Variants in PPP1CB observed in about 807,000 individuals in gnomAD.
PPP1CB encodes the protein protein phosphatase 1 catalytic subunit beta.
PPP1CB carries 2 observed loss-of-function variants against 43.7 expected under a neutral mutation model. The observed-to-expected ratio is 0.05, with a 90% CI of 0.02 to 0.14. The LOEUF is 0.14. Among genes scored for constraint, PPP1CB ranks in the 10% least tolerant of loss-of-function variants. PPP1CB has a pLI of 1.00. For synonymous variants in PPP1CB, 136 were observed against 135.6 expected (o/e 1.00, Z -0.02); for missense variants, 84 against 398.0 (o/e 0.21, Z 6.71).
intron 3 of PPP1CB, among the ~76,000 whole-genome samples, chr2:28,781,311 A>G (rs1667154036): frequency 6.6e-6 from 1 of 152,180 alleles, no homozygotes; most frequent in Non-Finnish European, 1.5e-5. Flanking sequence ...CGCTGATTTA[A>G]CATATGCATT....
chr2:28,765,579 T>C (rs943582808), intron 1 of PPP1CB, among the ~76,000 whole-genome samples: 2 of 152,252 alleles, frequency 1.3e-5, no homozygotes, highest in African/African-American at 4.8e-5. Context: ...TGTGTGGGAA[T>C]GAAGATCTCA....
At chr2:28,762,583 T>C (rs547322184) in intron 1 of PPP1CB, among the ~76,000 whole-genome samples, 1 of 152,338 alleles carries the variant, frequency 6.6e-6, no homozygotes, top group South Asian at 2.1e-4. Flanking sequence ...CTGATGTTTA[T>C]ACCAAAAATC....
chr2:28,754,687 T>G (rs1469620429), intron 1 of PPP1CB, among the ~76,000 whole-genome samples: 1 of 152,246 alleles, frequency 6.6e-6, no homozygotes, highest in Non-Finnish European at 1.5e-5. Context: ...AATTTTCTAG[T>G]AAATAATTAT....
intron 4 of PPP1CB, among the ~76,000 whole-genome samples, chr2:28,783,300 C>A (rs1453733793): frequency 1.3e-5 from 2 of 150,900 alleles, no homozygotes; most frequent in Non-Finnish European, 2.9e-5. Context: ...TCTATGAAGG[C>A]CAGGGAATGA....
At chr2:28,765,462 C>T (rs763231684) in intron 1 of PPP1CB, among the ~76,000 whole-genome samples, 6 of 152,162 alleles carry the variant, frequency 3.9e-5, no homozygotes, top group South Asian at 2.1e-4. Flanking sequence ...GGAAGCTCCT[C>T]GGCTGCACAG....
chr2:28,757,381 G>A (rs78554205), intron 1 of PPP1CB, among the ~76,000 whole-genome samples: 2,749 of 152,152 alleles, frequency 0.018, 110 homozygotes, highest in Admixed American at 0.091. Context: ...TTTCAATTCC[G>A]TTGGGTATAT....
In PPP1CB at chr2:28,778,793, C is replaced by T; in HGVS notation, c.185-16C>T. On this transcript the variant is annotated splice_polypyrimidine_tract_variant and intron_variant, in intron 2 of 7. Coordinates refer to ENST00000395366, the MANE Select transcript of PPP1CB (RefSeq NM_002709.3). ...CAGTAACCAATTTTTCTAAAACTGACTCTTTCTCTTTTTAGGAGATATTCA... is the reference window on the plus strand; with the variant it reads ...CAGTAACCAATTTTTCTAAAACTGATTCTTTCTCTTTTTAGGAGATATTCA... 2 of 1,517,626 alleles carry T rather than the reference C, an allele frequency of 1.3e-6. No homozygotes were observed. The highest frequency in any genetic ancestry group is 1.4e-5 in the African/African-American group (1 of 72,766). The allele number at this position is 1,517,626 out of a possible 1,614,324, so 94.0% of individuals were successfully genotyped here. A position where few individuals can be genotyped will look rare whatever the true frequency, so the allele number is the denominator to read the frequency against.
chr2:28,778,512 G>T, intron 2 of PPP1CB: 1 of 492,718 alleles, frequency 2.0e-6, no homozygotes, highest in East Asian at 5.4e-5. Flanking sequence ...TGAGCTGTTG[G>T]TCAGAGGCCT....
intron 5 of PPP1CB, among the ~76,000 whole-genome samples, 159 bp from the exon 6 acceptor site, chr2:28,788,499 A>C (rs1439102217): frequency 6.6e-6 from 1 of 152,236 alleles, no homozygotes; most frequent in Non-Finnish European, 1.5e-5. Flanking sequence ...TGCTTTAACA[A>C]AAGTATAAGT....
rs1667643798 is a variant in PPP1CB, at chr2:28,802,548, T to C, written c.*3245T>C. On this transcript the variant is annotated 3_prime_UTR_variant, in exon 8 of 8. Transcript: ENST00000395366. ...ATGTTTTATAATTCCTTAAAACAGC[T>C]GAAAATTGGGACAACATACTTTACG... 1 of 152,316 alleles carries C rather than the reference T, an allele frequency of 6.6e-6. No individual in the cohort carries two copies. The highest frequency in any genetic ancestry group is 1.5e-5 in the Non-Finnish European group (1 of 68,030). The allele number at this position is 152,316 out of a possible 1,614,324, so 9.4% of individuals were successfully genotyped here.
At chr2:28,762,242 G>A (rs763238732) in intron 1 of PPP1CB, among the ~76,000 whole-genome samples, 5 of 152,112 alleles carry the variant, frequency 3.3e-5, no homozygotes, top group Non-Finnish European at 5.9e-5. Flanking sequence ...CTGAGATTGC[G>A]CCACTGCACT....
Position 28,752,059 on chromosome 2 carries a change from G to T in PPP1CB, c.-66G>T. 6.7e-7 allele frequency: 1 copy of T among 1,485,534 alleles called. No homozygotes were observed. The highest frequency in any genetic ancestry group is 9.2e-7 in the Non-Finnish European group (1 of 1,087,928). 92.0% of individuals were successfully genotyped at this position (1,485,534 alleles called of 1,614,324 possible). ...GTAGGTGAGAGAACGCCGAGCCGTC[G>T]CCGCAGCCTCCGCCGCCGAGAAGCC... On this transcript the variant is annotated 5_prime_UTR_variant, in exon 1 of 8. Transcript: ENST00000395366.
At chr2:28,752,575 GTTC>G (rs1003266783) in intron 1 of PPP1CB, among the ~76,000 whole-genome samples, 35 of 152,226 alleles carry the variant, frequency 2.3e-4, no homozygotes, top group Non-Finnish European at 8.8e-5. Context: ...TGGAATCACT[GTTC>G]TTCTCTGTTC....
chr2:28,799,244 C>G lies in PPP1CB; in HGVS notation c.925C>G (p.Leu309Val). ...EKKAKYQYGGLNSGRPVTPPR... is the reference protein window; with the variant it reads ...EKKAKYQYGGVNSGRPVTPPR... ...GAAAGCTAAATACCAGTATGGTGGACTGAATTCTGGACGTCCTGTCACTCC... is the reference window on the plus strand; with the variant it reads ...GAAAGCTAAATACCAGTATGGTGGAGTGAATTCTGGACGTCCTGTCACTCC... Residue 309 changes from leucine to valine, a missense_variant, in exon 8 of 8, where the codon CTG (leucine) becomes GTG (valine). By Grantham distance (32) the Leu-to-Val change is conservative. Transcript: ENST00000395366. 6.2e-7 allele frequency: 1 copy of G among 1,610,552 alleles called. No homozygotes were observed. Among genetic ancestry groups the G allele is most frequent in the Non-Finnish European group, 8.5e-7 (1 of 1,176,906 alleles).
At position 28,768,802 on chromosome 2, in the gene PPP1CB, A is replaced by G. The variant is rs575382822; in HGVS notation, c.53-8049A>G. Among the ~76,000 whole-genome samples the G allele has an allele frequency of 3.9e-5, 6 of 152,326 alleles. 1 individual carries two copies. Among genetic ancestry groups the G allele is most frequent in the African/African-American group, 1.2e-4 (5 of 41,566 alleles). On this transcript the variant is annotated intron_variant, in intron 1 of 7. Transcript: ENST00000395366. Reference sequence around the variant, plus strand: ...CAAGCTAATGAAACTGAATTGACCAAAAACCAATAGAAATTATCTAGTGCT... The same window carrying G: ...CAAGCTAATGAAACTGAATTGACCAGAAACCAATAGAAATTATCTAGTGCT...
chr2:28,768,904 T>C (rs1348075795), intron 1 of PPP1CB, among the ~76,000 whole-genome samples: 4 of 151,956 alleles, frequency 2.6e-5, no homozygotes, highest in African/African-American at 4.8e-5. Context: ...AGGTCTATCA[T>C]GTATAATAGG....
upstream of PPP1CB, chr2:28,751,818 C>A: frequency 2.1e-6 from 1 of 467,310 alleles, no homozygotes; most frequent in Non-Finnish European, 3.9e-6. Context: ...GTCGGCGGCG[C>A]TGGTGAGCTT....
intron 3 of PPP1CB, 37 bp from the exon 4 acceptor site, chr2:28,781,701 T>C (rs1226715876): frequency 2.1e-6 from 3 of 1,417,706 alleles, no homozygotes; most frequent in African/African-American, 1.4e-5. Flanking sequence ...AGAACAGTTT[T>C]AGATTTTTTA....
chr2:28,791,245 T>C (rs1184421126), intron 6 of PPP1CB, among the ~76,000 whole-genome samples: 1 of 152,238 alleles, frequency 6.6e-6, no homozygotes. Flanking sequence ...ATGCCACTTT[T>C]ATTTAGCAGG....
Sources: gnomAD v4.1 joint callset for allele counts (sites outside exome capture counted in the v4.1 genomes callset) on GRCh38, gnomAD v4.1.1 for gene constraint, MANE v1.5 for transcripts, NCBI Gene and HGNC (gene_info 2026-07-23, HGNC 2026-07-21) for gene names.